The following DAGLB variants were observed in gnomAD, a reference collection of about 807,000 sequenced individuals.
The protein encoded by DAGLB is diacylglycerol lipase-beta.
Under a neutral mutation model 72.1 loss-of-function variants are expected in DAGLB, and 66 were observed. The ratio of observed to expected loss-of-function variants is 0.92; its 90% confidence interval spans 0.75 to 1.12. The LOEUF is 1.12. Ranked by LOEUF, DAGLB falls within the 50% of genes most tolerant of loss-of-function variation. The pLI, the probability that DAGLB is intolerant of heterozygous loss-of-function variation, is 0.00. For missense variants in DAGLB, 1,065 were observed against 884.9 expected (o/e 1.20, Z -2.58); for synonymous variants, 414 against 359.5 (o/e 1.15, Z -1.71).
chr7:6,411,328 A>C (rs1783721345), intron 13 of DAGLB, among the ~76,000 whole-genome samples: 1 of 152,136 alleles, frequency 6.6e-6, no homozygotes, highest in Non-Finnish European at 1.5e-5. Context: ...ATTTCTAAAA[A>C]AAATTTTAGG....
At position 6,409,696 on chromosome 7, in the gene DAGLB, G is replaced by T; in HGVS notation, c.*141C>A. 1.0e-6 allele frequency: 1 copy of T among 990,100 alleles called. No homozygotes were observed. Among genetic ancestry groups the T allele is most frequent in the Non-Finnish European group, 1.5e-6 (1 of 684,258 alleles). 61.3% of individuals were successfully genotyped at this position (990,100 alleles called of 1,614,324 possible). On this transcript the variant is annotated 3_prime_UTR_variant, in exon 15 of 15. Transcript: ENST00000297056. ...ACTTCCCATAAACTTAAGTCATTGA[G>T]ACCATGGAATTCTGTTCCCATCCGA...
At chr7:6,421,974 C>T (rs1243395937) in intron 8 of DAGLB, 170 bp from the exon 9 acceptor site, 1 of 754,668 alleles carries the variant, frequency 1.3e-6, no homozygotes, top group Non-Finnish European at 2.3e-6. Flanking sequence ...CCAGCGGTGG[C>T]TCCTGAGGGC....
At chr7:6,419,194 G>C (rs993910874) in intron 9 of DAGLB, among the ~76,000 whole-genome samples, 3 of 146,186 alleles carry the variant, frequency 2.1e-5, no homozygotes, top group African/African-American at 7.7e-5. Context: ...GCTAATTTTT[G>C]TATTTTCAGT....
intron 7 of DAGLB, 35 bp from the exon 8 acceptor site, chr7:6,424,870 A>G (rs763762289): frequency 8.7e-6 from 14 of 1,604,672 alleles, no homozygotes; most frequent in South Asian, 4.4e-5. Flanking sequence ...GGGCCTAAAC[A>G]GTGAACACAC....
rs201436843 is a variant in DAGLB at position 6,418,542 on chromosome 7, C to CG, written c.1219-1622dup. Among the ~76,000 whole-genome samples, 588 of 152,240 alleles carry CG rather than the reference C, an allele frequency of 3.9e-3. 5 individuals carry two copies. Among genetic ancestry groups the CG allele is most frequent in the Admixed American group, 6.3e-3 (96 of 15,272 alleles). The stretch of plus-strand genomic sequence containing the variant: ...CCTCAGTGTGCTCCTGTGCTGGGCT[C>CG]GGAGAAAAGCGGGCCTGGCCCCTGT... On this transcript the variant is annotated intron_variant, in intron 9 of 14. Coordinates refer to ENST00000297056, the MANE Select transcript of DAGLB (RefSeq NM_139179.4).
In DAGLB at chr7:6,416,561, AAAG is replaced by A. The variant is rs940535026; in HGVS notation, c.1427+63_1427+65del. 2.5e-5 allele frequency: 38 copies of A among 1,519,586 alleles called. No individual in the cohort carries two copies. The African/African-American group carries it at 5.0e-4, about 20-fold the overall frequency. 94.1% of individuals were successfully genotyped at this position (1,519,586 alleles called of 1,614,324 possible). On this transcript the variant is annotated intron_variant, in intron 11 of 14. Coordinates refer to ENST00000297056, the MANE Select transcript of DAGLB (RefSeq NM_139179.4). ...TCATCTCAGGAAAATAAAAGAAAAA[AAAG>A]ATGAGTCTTGACCACATGACTTGTA...
chr7:6,419,963 A>G (rs1411544084), intron 9 of DAGLB, among the ~76,000 whole-genome samples: 1 of 152,054 alleles, frequency 6.6e-6, no homozygotes. Context: ...GGCAACACAG[A>G]GAGACCCCAT....
At chr7:6,415,649 C>T (rs1214088212) in intron 11 of DAGLB, among the ~76,000 whole-genome samples, 2 of 151,318 alleles carry the variant, frequency 1.3e-5, no homozygotes, top group African/African-American at 4.9e-5. Context: ...TCGAGACCAT[C>T]CTGGCTAACA....
At chr7:6,422,354 A>G in intron 8 of DAGLB, 1 of 246,878 alleles carries the variant, frequency 4.1e-6, no homozygotes. Context: ...CAGGGGCAGC[A>G]GGACCCGCTG....
chr7:6,445,004 G>C (rs1317278296), intron 2 of DAGLB, among the ~76,000 whole-genome samples: 4 of 152,150 alleles, frequency 2.6e-5, no homozygotes, highest in African/African-American at 9.7e-5. Flanking sequence ...AAGAGCGTTG[G>C]GCAATTAGAA....
In DAGLB at chr7:6,434,796, G is replaced by A. The variant is rs368162869; in HGVS notation, c.644C>T (p.Ser215Leu). 2.6e-5 allele frequency: 42 copies of A among 1,614,164 alleles called. No homozygotes were observed. Among genetic ancestry groups the A allele is most frequent in the African/African-American group, 1.5e-4 (11 of 75,048 alleles). Residue 215 changes from serine to leucine, a missense_variant, in exon 4 of 15, where the codon TCG (serine) becomes TTG (leucine). Ser to Leu is a moderately radical substitution (Grantham distance 145). Transcript: ENST00000297056. Reference protein sequence around the residue: ...GKDDHTRVAFSSTAELFSTYF... With the variant: ...GKDDHTRVAFLSTAELFSTYF... Reference sequence around the variant, plus strand: ...GGTTGAGAAAAGCTCTGCCGTACTCGAAAAAGCAACCCGAGTATGGTCGTC... The same window carrying A: ...GGTTGAGAAAAGCTCTGCCGTACTCAAAAAAGCAACCCGAGTATGGTCGTC...
chr7:6,423,447 CAG>C (rs75193740), intron 8 of DAGLB, among the ~76,000 whole-genome samples: 39,330 of 151,796 alleles, frequency 0.26, 6,731 homozygotes, highest in African/African-American at 0.48. Context: ...TCTTTTGAGA[CAG>C]AGTCTCGATC....
chr7:6,435,060 C>G (rs767673970), intron 3 of DAGLB, 40 bp from the exon 4 acceptor site: 1 of 1,600,810 alleles, frequency 6.2e-7, no homozygotes, highest in South Asian at 1.1e-5. Context: ...TGACTGCGGG[C>G]CCCAGCCCAG....
chr7:6,434,819 G>C lies in DAGLB; in HGVS notation c.621C>G (p.Asp207Glu). Reference protein sequence around the residue: ...IKLLCCCIGKDDHTRVAFSST... With the variant: ...IKLLCCCIGKEDHTRVAFSST... The stretch of plus-strand genomic sequence containing the variant: ...TCGAAAAAGCAACCCGAGTATGGTC[G>C]TCTTTCCCAATGCAACAGCACAAGA... Residue 207 changes from aspartate (D) to glutamate (E), a missense_variant, in exon 4 of 15, where the codon GAC (aspartate) becomes GAG (glutamate). Asp to Glu is a conservative substitution (Grantham distance 45). Transcript: ENST00000297056. 1 of 1,614,166 alleles carries C rather than the reference G, an allele frequency of 6.2e-7. No homozygotes were observed.
In DAGLB at chr7:6,416,647, G is replaced by A; in HGVS notation, c.1407C>T (p.Ser469=). 6.2e-7 allele frequency: 1 copy of A among 1,611,498 alleles called. No individual in the cohort carries two copies. Among genetic ancestry groups the A allele is most frequent in the Non-Finnish European group, 8.5e-7 (1 of 1,178,522 alleles). Residue 469 remains serine, a synonymous_variant, in exon 11 of 15, where the codon TCC becomes TCT. Transcript: ENST00000297056. ...CTCACCTCCACAGCCCCCGGGGTGG[G>A]GAGAAGGCGTAGCACCTGACCTGCG... ...AYPQVRCYAF[S]PPRGLWSKAL...
intron 11 of DAGLB, among the ~76,000 whole-genome samples, chr7:6,413,807 AAGG>A (rs1275112587): frequency 1.3e-5 from 2 of 152,190 alleles, no homozygotes; most frequent in South Asian, 2.1e-4. Context: ...CAGCTGGGAG[AAGG>A]AGGAGGACTG....
intron 5 of DAGLB, 85 bp from the exon 6 acceptor site, chr7:6,430,692 C>A (rs75822070): frequency 0.019 from 25,720 of 1,338,264 alleles, 329 homozygotes; most frequent in Non-Finnish European, 0.022. Context: ...AACCTGAACT[C>A]ATTCCTGACT....
At chr7:6,423,066 A>G (rs1423031712) in intron 8 of DAGLB, among the ~76,000 whole-genome samples, 1 of 152,178 alleles carries the variant, frequency 6.6e-6, no homozygotes, top group Admixed American at 6.6e-5. Context: ...AGCCTGGGCA[A>G]CATAGTGAGA....
At chr7:6,418,635 G>C (rs569664013) in intron 9 of DAGLB, among the ~76,000 whole-genome samples, 1 of 151,728 alleles carries the variant, frequency 6.6e-6, no homozygotes, top group East Asian at 1.9e-4. Flanking sequence ...GATGGTTTTT[G>C]ATCATCTCTA....
Sources: gnomAD v4.1 joint callset for allele counts (sites outside exome capture counted in the v4.1 genomes callset) on GRCh38, gnomAD v4.1.1 for gene constraint, MANE v1.5 for transcripts, NCBI Gene and HGNC (gene_info 2026-07-23, HGNC 2026-07-21) for gene names.